Variants in COL25A1 observed in about 807,000 individuals in gnomAD.
COL25A1 encodes the protein collagen type XXV alpha 1 chain.
In COL25A1, 103 loss-of-function variants were observed where a neutral mutation model predicts 128.4. That is an observed-to-expected ratio of 0.80 (90% CI 0.68 to 0.94). The LOEUF (loss-of-function observed/expected upper bound fraction) is 0.94. COL25A1 is among the 40% of genes least tolerant of loss of function. The probability of loss-of-function intolerance (pLI) is 0.00; values close to 1 mark genes in which losing one functional copy is unlikely to be tolerated. For synonymous variants in COL25A1, 279 were observed against 277.2 expected (o/e 1.01, Z -0.06); for missense variants, 745 against 840.0 (o/e 0.89, Z 1.40).
intron 3 of COL25A1, among the ~76,000 whole-genome samples, chr4:109,063,293 A>C (rs1762136797): frequency 6.6e-6 from 1 of 152,160 alleles, no homozygotes; most frequent in African/African-American, 2.4e-5. Flanking sequence ...ACCTGAGGTC[A>C]GGAGTTTGAG....
chr4:109,227,636 G>C (rs536709675), intron 3 of COL25A1, among the ~76,000 whole-genome samples: 3 of 149,536 alleles, frequency 2.0e-5, no homozygotes, highest in Non-Finnish European at 4.4e-5. Context: ...CCATTAAGTA[G>C]CCTCATACAC....
At chr4:109,242,570 C>T (rs745917013) in intron 3 of COL25A1, among the ~76,000 whole-genome samples, 3 of 151,978 alleles carry the variant, frequency 2.0e-5, no homozygotes, top group South Asian at 2.1e-4. Context: ...CATACTATTC[C>T]GGATGATTCT....
intron 3 of COL25A1, among the ~76,000 whole-genome samples, chr4:109,256,444 TCA>T (rs1170031367): frequency 6.6e-6 from 1 of 152,158 alleles, no homozygotes; most frequent in African/African-American, 2.4e-5. Flanking sequence ...CGCAGCCATT[TCA>T]CATGAATATC....
chr4:109,127,742 T>G (rs1768764363), intron 3 of COL25A1, among the ~76,000 whole-genome samples: 2 of 152,110 alleles, frequency 1.3e-5, no homozygotes, highest in African/African-American at 4.8e-5. Flanking sequence ...TAGTAGGCCG[T>G]AAACGTTAGC....
intron 6 of COL25A1, among the ~76,000 whole-genome samples, chr4:109,005,532 C>T (rs2126036695): frequency 6.6e-6 from 1 of 152,204 alleles, no homozygotes; most frequent in East Asian, 1.9e-4. Context: ...GTTTATTTTC[C>T]CAGCCTAATC....
intron 3 of COL25A1, among the ~76,000 whole-genome samples, chr4:109,059,859 T>C (rs1415627278): frequency 1.3e-5 from 2 of 152,210 alleles, no homozygotes; most frequent in Non-Finnish European, 1.5e-5. Context: ...AAATGTTAAA[T>C]GGATGACCTT....
At chr4:108,948,594 A>G (rs528432103) in intron 8 of COL25A1, among the ~76,000 whole-genome samples, 307 of 152,254 alleles carry the variant, frequency 2.0e-3, no homozygotes, top group Non-Finnish European at 3.3e-3. Context: ...TTATTTGAAT[A>G]TATTTTCAAG....
In COL25A1 at chr4:109,012,715, C is replaced by G. The variant is rs557395753; in HGVS notation, c.421-2340G>C. 1.4e-4 allele frequency among the ~76,000 whole-genome samples: 22 copies of G among 152,296 alleles called. 1 individual carries two copies. In the East Asian group the frequency reaches 4.3e-3, roughly 29 times the overall value. On this transcript the variant is annotated intron_variant, in intron 5 of 37. Transcript: ENST00000399132. ...CACCGGGCCTCAGCCGCCTCTCCGCCGGGCAGGGCTCAGGACCTGCAGCCT... is the reference window on the plus strand; with the variant it reads ...CACCGGGCCTCAGCCGCCTCTCCGCGGGGCAGGGCTCAGGACCTGCAGCCT...
chr4:109,014,463 A>T (rs28704092), intron 5 of COL25A1, among the ~76,000 whole-genome samples: 1,659 of 152,152 alleles, frequency 0.011, 31 homozygotes, highest in African/African-American at 0.038. Context: ...ATATTTTCAG[A>T]CTCCTCTGGT....
intron 3 of COL25A1, among the ~76,000 whole-genome samples, chr4:109,285,937 T>C (rs987453059): frequency 8.5e-5 from 13 of 152,162 alleles, no homozygotes; most frequent in Non-Finnish European, 1.6e-4. Context: ...ACATCAGTAA[T>C]ATCTTAGTCA....
intron 13 of COL25A1, among the ~76,000 whole-genome samples, chr4:108,907,702 C>T (rs1213696417): frequency 6.6e-6 from 1 of 152,208 alleles, no homozygotes; most frequent in Non-Finnish European, 1.5e-5. Flanking sequence ...CTTCTGATTC[C>T]TCATCTTGTG....
intron 13 of COL25A1, among the ~76,000 whole-genome samples, chr4:108,913,082 T>G (rs1526132): frequency 0.71 from 106,539 of 151,064 alleles, 38,977 homozygotes; most frequent in East Asian, 1. Context: ...TTTATCTTTT[T>G]TTTTGGAAAC....
intron 3 of COL25A1, among the ~76,000 whole-genome samples, chr4:109,249,761 A>AAT (rs1345877648): frequency 3.9e-5 from 6 of 152,200 alleles, no homozygotes; most frequent in Non-Finnish European, 8.8e-5. Context: ...AAACAGGCCA[A>AAT]ATAACATTCC....
chr4:109,255,406 C>T (rs983275042), intron 3 of COL25A1, among the ~76,000 whole-genome samples: 8 of 152,140 alleles, frequency 5.3e-5, no homozygotes, highest in Non-Finnish European at 1.0e-4. Flanking sequence ...GCTCACAGGC[C>T]TTGTGGTTTG....
At chr4:109,048,300 T>A (rs3096482) in intron 4 of COL25A1, 125 bp from the exon 5 acceptor site, 355,175 of 873,284 alleles carry the variant, frequency 0.41, 76,983 homozygotes, top group African/African-American at 0.7. Context: ...GAAGTTTTTT[T>A]AAATTCACTG....
intron 3 of COL25A1, among the ~76,000 whole-genome samples, chr4:109,206,869 T>C (rs2189707): frequency 0.5 from 76,743 of 152,012 alleles, 21,882 homozygotes; most frequent in Non-Finnish European, 0.65. Flanking sequence ...TCTGCTGTAA[T>C]ACATCAGCGA....
rs1246180171 is a variant in COL25A1, at chr4:109,026,889, GAAGA to G, written c.421-16518_421-16515del. On this transcript the variant is annotated intron_variant, in intron 5 of 37. Transcript: ENST00000399132. ...AAGAACACCATCTTATATAAGATGA[GAAGA>G]AAGAAAGTGAGAATAAATACAGATC... Among the ~76,000 whole-genome samples, 3 of 152,210 alleles carry G rather than the reference GAAGA, an allele frequency of 2.0e-5. No homozygotes were observed. In the East Asian group the frequency reaches 5.8e-4, roughly 29 times the overall value.
intron 3 of COL25A1, among the ~76,000 whole-genome samples, chr4:109,237,086 G>T (rs541975549): frequency 6.6e-6 from 1 of 152,002 alleles, no homozygotes; most frequent in East Asian, 1.9e-4. Flanking sequence ...ATGCTAAAAA[G>T]CCAAGTGATC....
At chr4:109,039,697 G>A (rs1454301620) in intron 5 of COL25A1, among the ~76,000 whole-genome samples, 3 of 152,144 alleles carry the variant, frequency 2.0e-5, no homozygotes, top group African/African-American at 7.2e-5. Flanking sequence ...CGTCTTATTT[G>A]CCATTTATCC....
Sources: allele counts gnomAD v4.1 joint callset (sites outside exome capture counted in the v4.1 genomes callset), GRCh38; gene constraint gnomAD v4.1.1; transcripts MANE v1.5; gene names NCBI Gene and HGNC (gene_info 2026-07-23, HGNC 2026-07-21).